PTPRN2: variants seen among roughly 807,000 people sequenced by gnomAD.
PTPRN2 encodes the protein protein tyrosine phosphatase receptor type N2.
In PTPRN2, 74 loss-of-function variants were observed where a neutral mutation model predicts 118.8. The observed-to-expected ratio is 0.62, with a 90% CI of 0.52 to 0.76. PTPRN2 has a LOEUF of 0.76. Among genes scored for constraint, PTPRN2 ranks in the 30% least tolerant of loss-of-function variants. The pLI, the probability that PTPRN2 is intolerant of heterozygous loss-of-function variation, is 0.00. For synonymous variants in PTPRN2, 641 were observed against 608.0 expected, an observed-to-expected ratio of 1.05 and a Z score of -0.80; for missense variants, 1,481 against 1,394.4, an observed-to-expected ratio of 1.06 and a Z score of -0.99.
chr7:158,551,187 A>G (rs1362416184), intron 1 of PTPRN2, among the ~76,000 whole-genome samples: 1 of 152,220 alleles, frequency 6.6e-6, no homozygotes, highest in East Asian at 1.9e-4. Context: ...TGAGGGCCCT[A>G]TTCCCACTGC....
intron 10 of PTPRN2, among the ~76,000 whole-genome samples, chr7:158,096,778 G>T (rs889389040): frequency 6.6e-6 from 1 of 152,228 alleles, no homozygotes; most frequent in Admixed American, 6.5e-5. Context: ...GAACACAGGT[G>T]AAACAGGTAG....
At chr7:157,935,199 G>A (rs887766106) in intron 11 of PTPRN2, among the ~76,000 whole-genome samples, 5 of 152,152 alleles carry the variant, frequency 3.3e-5, no homozygotes, top group African/African-American at 1.2e-4. Flanking sequence ...GGGTGGGTAG[G>A]GTTGCTGGTT....
At chr7:158,390,218 G>A (rs944000148) in intron 2 of PTPRN2, among the ~76,000 whole-genome samples, 1 of 151,856 alleles carries the variant, frequency 6.6e-6, no homozygotes, top group African/African-American at 2.4e-5. Context: ...GTCCTCCCAC[G>A]GCTCTCATGG....
intron 8 of PTPRN2, 23 bp downstream of exon 8, chr7:158,136,621 TAACATGAAACA>T: frequency 6.2e-7 from 1 of 1,602,512 alleles, no homozygotes; most frequent in Non-Finnish European, 8.5e-7. Flanking sequence ...CTTCCACATT[TAACATGAAACA>T]AACACCAGAG....
chr7:158,019,963 C>T (rs1410241468), intron 11 of PTPRN2, among the ~76,000 whole-genome samples: 1 of 152,246 alleles, frequency 6.6e-6, no homozygotes, highest in African/African-American at 2.4e-5. Context: ...CTCCTCAGGT[C>T]CAGCCATTGG....
intron 2 of PTPRN2, among the ~76,000 whole-genome samples, chr7:158,336,566 A>C (rs1805582037): frequency 7.1e-6 from 1 of 140,918 alleles, no homozygotes. Context: ...CACACTCACC[A>C]TAAGAGTTGA....
rs1019344665 is a variant in PTPRN2 at position 157,808,769 on chromosome 7, CAA to C, written c.1788+89902_1788+89903del. ...CTTCCATGGAACAGGTCCCTGGTGC[CAA>C]AAAGAGTATGGACCGCTGTCCTGGA... On this transcript the variant is annotated intron_variant, in intron 12 of 22. Coordinates refer to ENST00000389418, the MANE Select transcript of PTPRN2 (RefSeq NM_002847.5). The surrounding 1 kb of genome is among the most constrained non-coding windows in gnomAD (Gnocchi z 5.0). Among the ~76,000 whole-genome samples the C allele has an allele frequency of 1.4e-4, 22 of 152,172 alleles. No individual in the cohort carries two copies. Among genetic ancestry groups the C allele is most frequent in the African/African-American group, 5.3e-4 (22 of 41,440 alleles).
chr7:158,368,875 A>G (rs999005973), intron 2 of PTPRN2, among the ~76,000 whole-genome samples: 29 of 152,222 alleles, frequency 1.9e-4, no homozygotes, highest in Admixed American at 2.6e-4. Context: ...CCAGAGTGTG[A>G]TGGTTAACAC....
intron 11 of PTPRN2, among the ~76,000 whole-genome samples, chr7:158,006,300 G>C (rs1407283390): frequency 6.6e-6 from 1 of 152,200 alleles, no homozygotes; most frequent in Non-Finnish European, 1.5e-5. Flanking sequence ...AGACTCCATC[G>C]ATTTTTACCA....
In PTPRN2 at chr7:157,824,465, G is replaced by A. The variant is rs191485181; in HGVS notation, c.1788+74208C>T. On this transcript the variant is annotated intron_variant, in intron 12 of 22. Transcript: ENST00000389418. ...TCCCGAGGACAAGTGCATGCTGTCC[G>A]TGGATTCTCTGTGCCTGCATGGCGT... Among the ~76,000 whole-genome samples, 161 of 152,354 alleles carry A rather than the reference G, an allele frequency of 1.1e-3. 1 individual carries two copies. Among genetic ancestry groups the A allele is most frequent in the African/African-American group, 3.7e-3 (155 of 41,578 alleles).
intron 12 of PTPRN2, among the ~76,000 whole-genome samples, chr7:157,895,101 C>T (rs988805831): frequency 1.3e-5 from 2 of 151,860 alleles, no homozygotes; most frequent in Non-Finnish European, 2.9e-5. Context: ...CTGTAGAAAG[C>T]GAAGACTAGG....
In PTPRN2 at chr7:158,015,571, G is replaced by A. The variant is rs534795382; in HGVS notation, c.1723+65727C>T. ...GCCCCTCACCCCTGTATGTGCATCT[G>A]GAATCCACTTTCAGGGGAAAGCAGA... On this transcript the variant is annotated intron_variant, in intron 11 of 22. Coordinates refer to ENST00000389418, the MANE Select transcript of PTPRN2 (RefSeq NM_002847.5). This position sits in a 1 kb window ranked among gnomAD's most constrained non-coding sequence, Gnocchi z 4.2. Among the ~76,000 whole-genome samples the A allele has an allele frequency of 6.6e-6, 1 of 152,002 alleles. No individual in the cohort carries two copies. Among genetic ancestry groups the A allele is most frequent in the Admixed American group, 6.5e-5 (1 of 15,268 alleles).
intron 1 of PTPRN2, among the ~76,000 whole-genome samples, chr7:158,531,619 A>T (rs1427658421): frequency 6.6e-6 from 1 of 152,262 alleles, no homozygotes; most frequent in Non-Finnish European, 1.5e-5. Context: ...GGAAGGCAGC[A>T]GATGCAAACA....
At chr7:157,695,159 A>T (rs1797703405) in intron 12 of PTPRN2, among the ~76,000 whole-genome samples, 1 of 152,090 alleles carries the variant, frequency 6.6e-6, no homozygotes, top group African/African-American at 2.4e-5. Flanking sequence ...TAGATTACAC[A>T]TTTAAGTGAT....
chr7:158,060,492 C>A (rs914148008), intron 11 of PTPRN2, among the ~76,000 whole-genome samples: 1 of 152,240 alleles, frequency 6.6e-6, no homozygotes, highest in African/African-American at 2.4e-5. Flanking sequence ...TGTGTCTGTA[C>A]CTTCACGAGG....
rs566751808 is a variant in PTPRN2 at position 158,366,348 on chromosome 7, G to A, written c.164-49416C>T. Among the ~76,000 whole-genome samples the A allele has an allele frequency of 4.8e-5, 7 of 147,222 alleles. No individual in the cohort carries two copies. The South Asian group carries it at 1.5e-3, about 32-fold the overall frequency. On this transcript the variant is annotated intron_variant, in intron 2 of 22. Transcript: ENST00000389418. ...ACACACACCCACAGCATCCCCGGGA[G>A]AAGCCACAGCCCAATGCACGCGTGC... is the stretch of plus-strand genomic sequence containing the variant.
At chr7:158,291,215 A>G (rs1439997903) in intron 3 of PTPRN2, among the ~76,000 whole-genome samples, 3 of 152,208 alleles carry the variant, frequency 2.0e-5, no homozygotes, top group Non-Finnish European at 2.9e-5. Flanking sequence ...CTTGGTCTTC[A>G]TGACTCTTTT....
intron 12 of PTPRN2, among the ~76,000 whole-genome samples, chr7:157,702,903 A>G (rs892608038): frequency 1.3e-5 from 2 of 152,300 alleles, no homozygotes; most frequent in East Asian, 1.9e-4. Context: ...GGGGACCTTC[A>G]TACCTGAGGG....
At chr7:157,940,525 TAC>T (rs1799989617) in intron 11 of PTPRN2, among the ~76,000 whole-genome samples, 1 of 107,654 alleles carries the variant, frequency 9.3e-6, no homozygotes. Flanking sequence ...GCAAATCTCA[TAC>T]CCTCCCCTGT....
Sources: gnomAD v4.1 joint callset for allele counts (sites outside exome capture counted in the v4.1 genomes callset) on GRCh38, gnomAD v4.1.1 for gene constraint, Gnocchi (gnomAD v3.1) non-coding constraint, MANE v1.5 for transcripts, NCBI Gene and HGNC (gene_info 2026-07-23, HGNC 2026-07-21) for gene names.